XPO5: variants seen among roughly 807,000 people sequenced by gnomAD.
XPO5 encodes exportin 5, also known as exportin-5.
A neutral mutation model predicts 160.6 loss-of-function variants in XPO5; 46 were observed. The ratio of observed to expected loss-of-function variants is 0.29; its 90% CI spans 0.23 to 0.37. XPO5 has a LOEUF of 0.37. Among genes scored for constraint, XPO5 ranks in the 10% least tolerant of loss-of-function variants. The pLI, the probability that XPO5 is intolerant of heterozygous loss-of-function variation, is 1.00. For synonymous variants in XPO5, 537 were observed against 519.3 expected (o/e 1.03, Z -0.46); for missense variants, 1,090 against 1,463.9 (o/e 0.74, Z 4.17).
chr6:43,522,511 C>T lies in XPO5; in HGVS notation c.*1357G>A. 4.5e-6 allele frequency: 1 copy of T among 222,436 alleles called. No homozygotes were observed. The highest frequency in any genetic ancestry group is 1.0e-5 in the Non-Finnish European group (1 of 100,288). 13.8% of individuals were successfully genotyped at this position (222,436 alleles called of 1,614,324 possible). A position where few individuals can be genotyped will look rare whatever the true frequency, so the allele number is the denominator to read the frequency against. On this transcript the variant is annotated 3_prime_UTR_variant, in exon 32 of 32. Coordinates refer to ENST00000265351, the MANE Select transcript of XPO5 (RefSeq NM_020750.3). ...ACAGCCCCAACCAGACAGGAATAGG[C>T]AGCTATCAGGTTTGGAGGGAAACAC...
chr6:43,540,203 A>G (rs1034397147), intron 20 of XPO5, among the ~76,000 whole-genome samples: 2 of 152,206 alleles, frequency 1.3e-5, no homozygotes, highest in African/African-American at 4.8e-5. Flanking sequence ...CAGGCTGGCA[A>G]ACATGGTGAA....
At position 43,564,950 on chromosome 6, in the gene XPO5, T is replaced by G. The variant is rs542310316; in HGVS notation, c.911+710A>C. On this transcript the variant is annotated intron_variant, in intron 8 of 31. Transcript: ENST00000265351. ...TTTTTTTTTTTTTTTTGAGACAGAG[T>G]CTCACTTTGTTGCCCAGTCTGGAGT... is the stretch of plus-strand genomic sequence containing the variant. Among the ~76,000 whole-genome samples the G allele has an allele frequency of 3.4e-5, 5 of 149,100 alleles. No homozygotes were observed. In the South Asian group the frequency reaches 1.1e-3, roughly 32 times the overall value.
chr6:43,552,860 A>T (rs1795315547), intron 14 of XPO5, among the ~76,000 whole-genome samples: 1 of 152,176 alleles, frequency 6.6e-6, no homozygotes, highest in Non-Finnish European at 1.5e-5. Flanking sequence ...GTGGTACTTA[A>T]AATGTATACT....
At chr6:43,528,119 C>T in intron 25 of XPO5, 40 bp downstream of exon 25, 1 of 1,566,818 alleles carries the variant, frequency 6.4e-7, no homozygotes. Context: ...AACCTGGCTG[C>T]CAGTTCATCC....
chr6:43,573,886 T>C (rs1763148999), intron 1 of XPO5, among the ~76,000 whole-genome samples: 1 of 149,792 alleles, frequency 6.7e-6, no homozygotes, highest in Non-Finnish European at 1.5e-5. Context: ...TGCAATGGCA[T>C]GATCTCGGCT....
chr6:43,544,911 C>T (rs568060520), intron 20 of XPO5, among the ~76,000 whole-genome samples: 2 of 152,242 alleles, frequency 1.3e-5, no homozygotes, highest in East Asian at 1.9e-4. Flanking sequence ...CTCACTCTGT[C>T]GCCCAGGCTG....
At chr6:43,560,396 A>C in intron 10 of XPO5, 93 bp from the exon 11 acceptor site, 1 of 1,420,928 alleles carries the variant, frequency 7.0e-7, no homozygotes, top group East Asian at 2.5e-5. Context: ...TTTTTCATAG[A>C]AATAAATCTG....
At chr6:43,566,031 CG>C (rs748996294) in intron 7 of XPO5, among the ~76,000 whole-genome samples, 9 of 152,056 alleles carry the variant, frequency 5.9e-5, no homozygotes, top group Non-Finnish European at 1.3e-4. Context: ...ACGAGGCAGG[CG>C]GAACAACTGA....
rs1795036888 is a variant in XPO5, at chr6:43,547,844, T to C, written c.2061-137A>G. 2.3e-5 allele frequency: 15 copies of C among 638,472 alleles called. No individual in the cohort carries two copies. The South Asian group carries it at 3.1e-4, about 13-fold the overall frequency. The allele number at this position is 638,472 out of a possible 1,614,324, so 39.6% of individuals were successfully genotyped here. A position where few individuals can be genotyped will look rare whatever the true frequency, so the allele number is the denominator to read the frequency against. On this transcript the variant is annotated intron_variant, in intron 18 of 31. Transcript: ENST00000265351. ...GTGAGAGGAGTATAATCATACTAAT[T>C]GTCAGTTGTCATTTGAAGGTTTAAA...
At chr6:43,525,796 A>G in intron 28 of XPO5, 43 bp downstream of exon 28, 1 of 1,598,186 alleles carries the variant, frequency 6.3e-7, no homozygotes, top group Non-Finnish European at 8.6e-7. Context: ...GTGACTCCCC[A>G]CCTGGGCAAG....
intron 21 of XPO5, 74 bp downstream of exon 21, chr6:43,533,832 TA>T: frequency 8.3e-7 from 1 of 1,200,956 alleles, no homozygotes; most frequent in South Asian, 1.3e-5. Context: ...CTATGACTCT[TA>T]AAAAACAACA....
At chr6:43,545,728 A>C (rs951855859) in intron 20 of XPO5, among the ~76,000 whole-genome samples, 3 of 152,110 alleles carry the variant, frequency 2.0e-5, no homozygotes, top group Admixed American at 6.6e-5. Context: ...ACAAACAAAA[A>C]AAAAACCAAT....
rs1795337906 is a variant in XPO5, at chr6:43,553,265, G to GC, written c.1572+107dup. The GC allele has an allele frequency of 2.2e-6, 3 of 1,364,790 alleles. No homozygotes were observed. In the South Asian group the frequency reaches 4.5e-5, roughly 20 times the overall value. 84.5% of individuals were successfully genotyped at this position (1,364,790 alleles called of 1,614,324 possible). On this transcript the variant is annotated intron_variant, in intron 14 of 31. Coordinates refer to ENST00000265351, the MANE Select transcript of XPO5 (RefSeq NM_020750.3). ...TACAGAGAGCTATGATTGTGCCACT[G>GC]CATTTCAGCCTGAGCAACAGAGAGA...
At chr6:43,553,130 A>G (rs1342384803) in intron 14 of XPO5, among the ~76,000 whole-genome samples, 1 of 152,172 alleles carries the variant, frequency 6.6e-6, no homozygotes, top group African/African-American at 2.4e-5. Context: ...CCTGGGCAAC[A>G]CAGACTCCAT....
chr6:43,565,095 G>A (rs1387918330), intron 8 of XPO5, among the ~76,000 whole-genome samples: 1 of 151,604 alleles, frequency 6.6e-6, no homozygotes, highest in Non-Finnish European at 1.5e-5. Context: ...GCTAATTTTT[G>A]TATTTTAGTA....
At chr6:43,524,275 C>G (rs1257873460) in intron 31 of XPO5, among the ~76,000 whole-genome samples, 196 bp downstream of exon 31, 1 of 151,288 alleles carries the variant, frequency 6.6e-6, no homozygotes, top group Admixed American at 6.6e-5. Flanking sequence ...TCGTTTGAAC[C>G]TGGGAGGCGG....
chr6:43,561,093 T>C, intron 9 of XPO5, 86 bp from the exon 10 acceptor site: 2 of 1,123,126 alleles, frequency 1.8e-6, no homozygotes, highest in South Asian at 2.6e-5. Flanking sequence ...ACAGATAAAT[T>C]AAACCCTCAA....
chr6:43,560,249 G>C lies in XPO5; in HGVS notation c.1150C>G (p.Leu384Val). ...GCTAATAGCAAAGGATCACGGGACA[G>C]GATTTCATGCCTGAAGAGGGCTCCC... is the stretch of plus-strand genomic sequence containing the variant. ...TWGALFRHEILSRDPLLLAII... is the reference protein window; with the variant it reads ...TWGALFRHEIVSRDPLLLAII... The change falls in exon 11 of 32, where the codon CTG (leucine) becomes GTG (valine). Residue 384 changes from leucine (L) to valine (V), a missense_variant. Coordinates refer to ENST00000265351, the MANE Select transcript of XPO5 (RefSeq NM_020750.3). 1 of 1,612,486 alleles carries C rather than the reference G, an allele frequency of 6.2e-7. No homozygotes were observed. The highest frequency in any genetic ancestry group is 8.5e-7 in the Non-Finnish European group (1 of 1,179,202).
chr6:43,526,932 T>G, intron 26 of XPO5, 185 bp from the exon 27 acceptor site: 1 of 605,394 alleles, frequency 1.7e-6, no homozygotes. Context: ...CCGAACTGTT[T>G]TGGTCCTTCA....
Sources: gnomAD v4.1 joint callset for allele counts (sites outside exome capture counted in the v4.1 genomes callset) on GRCh38, gnomAD v4.1.1 for gene constraint, MANE v1.5 for transcripts, NCBI Gene and HGNC (gene_info 2026-07-23, HGNC 2026-07-21) for gene names.